Variants in AGBL1 observed in about 807,000 individuals in gnomAD.
AGBL1 encodes the protein cytosolic carboxypeptidase 4.
AGBL1 carries 130 observed loss-of-function variants against 118.9 expected under a neutral mutation model. That is an observed-to-expected ratio of 1.09 (90% CI 0.95 to 1.26). AGBL1 has a LOEUF of 1.26. AGBL1 is among the 50% of genes most tolerant of loss of function. The pLI is 0.00. For missense variants in AGBL1, 1,584 were observed against 1,298.1 expected (o/e 1.22, Z -3.38); for synonymous variants, 555 against 478.9 (o/e 1.16, Z -2.08).
At chr15:86,812,215 A>T (rs2078799930) in intron 22 of AGBL1, among the ~76,000 whole-genome samples, 2 of 152,280 alleles carry the variant, frequency 1.3e-5, no homozygotes, top group African/African-American at 4.8e-5. Context: ...ATTAAGCCTG[A>T]ATACCTTCTT....
intron 21 of AGBL1, among the ~76,000 whole-genome samples, chr15:86,572,406 C>G (rs74598131): frequency 6.6e-6 from 1 of 152,278 alleles, no homozygotes; most frequent in East Asian, 1.9e-4. Flanking sequence ...GCTGGGTCCC[C>G]CTCTGAGAGT....
At chr15:86,508,056 G>T (rs1245687282) in intron 18 of AGBL1, among the ~76,000 whole-genome samples, 1 of 147,812 alleles carries the variant, frequency 6.8e-6, no homozygotes, top group Non-Finnish European at 1.5e-5. Context: ...CTAGGCCAGA[G>T]TGCAGTGGCA....
At chr15:87,015,319 C>T (rs1396065824) in intron 24 of AGBL1, among the ~76,000 whole-genome samples, 1 of 152,080 alleles carries the variant, frequency 6.6e-6, no homozygotes, top group African/African-American at 2.4e-5. Flanking sequence ...ATCATGGAAG[C>T]CAATTCCCCT....
intron 11 of AGBL1, among the ~76,000 whole-genome samples, chr15:86,265,714 T>C (rs777487206): frequency 6.6e-5 from 10 of 152,214 alleles, no homozygotes; most frequent in Non-Finnish European, 1.3e-4. Context: ...TCTAGCACCA[T>C]GTTATCCCTG....
chr15:86,616,540 T>C (rs960230793), intron 21 of AGBL1, among the ~76,000 whole-genome samples: 13 of 152,096 alleles, frequency 8.5e-5, no homozygotes, highest in African/African-American at 2.7e-4. Context: ...TGGGTAAATA[T>C]AGAACTAGAC....
rs141562003 is a variant in AGBL1 at position 86,577,754 on chromosome 15, G to A, written c.2994+23217G>A. 4.1e-3 allele frequency among the ~76,000 whole-genome samples: 617 copies of A among 152,314 alleles called. 9 individuals are homozygous for A. The highest frequency in any genetic ancestry group is 0.014 in the African/African-American group (584 of 41,566). On this transcript the variant is annotated intron_variant, in intron 21 of 22. Coordinates refer to ENST00000614907, the MANE Select transcript of AGBL1 (RefSeq NM_001386094.1). ...TGAAAGGGGCCAACATAGAGCTCGG[G>A]CCATGGCTTCAGAGGGTGCAAGCCC...
intron 1 of AGBL1, among the ~76,000 whole-genome samples, chr15:86,128,088 A>G (rs764850895): frequency 2.0e-5 from 3 of 152,168 alleles, no homozygotes; most frequent in Non-Finnish European, 2.9e-5. Context: ...CTATTTACCA[A>G]TTAGTCTCAT....
At chr15:86,542,829 A>C (rs567332305) in intron 19 of AGBL1, among the ~76,000 whole-genome samples, 34 of 152,228 alleles carry the variant, frequency 2.2e-4, no homozygotes, top group Non-Finnish European at 3.8e-4. Flanking sequence ...CTGATAATTA[A>C]TATAGCTACT....
chr15:86,729,268 G>A (rs1040591976), intron 22 of AGBL1, among the ~76,000 whole-genome samples: 8 of 152,080 alleles, frequency 5.3e-5, no homozygotes, highest in African/African-American at 1.7e-4. Context: ...TGAAATCTTC[G>A]CTTTTTCTTT....
chr15:86,899,958 A>G (rs891747705), intron 22 of AGBL1, among the ~76,000 whole-genome samples: 3 of 152,170 alleles, frequency 2.0e-5, no homozygotes, highest in Non-Finnish European at 2.9e-5. Context: ...CTGAACAGCT[A>G]GAATAAAGCA....
intron 23 of AGBL1, among the ~76,000 whole-genome samples, chr15:86,939,491 T>G (rs979611113): frequency 1.3e-5 from 2 of 152,208 alleles, no homozygotes; most frequent in Non-Finnish European, 2.9e-5. Flanking sequence ...ATTTTGGGAC[T>G]CAGACTGGCT....
intron 1 of AGBL1, among the ~76,000 whole-genome samples, chr15:86,111,027 T>C (rs1006925833): frequency 6.6e-6 from 1 of 152,052 alleles, no homozygotes; most frequent in Non-Finnish European, 1.5e-5. Flanking sequence ...GCATGAGGAG[T>C]GAACTGAGCT....
At chr15:86,705,813 A>G (rs1034344638) in intron 22 of AGBL1, among the ~76,000 whole-genome samples, 4 of 152,126 alleles carry the variant, frequency 2.6e-5, no homozygotes, top group African/African-American at 9.7e-5. Flanking sequence ...GTGCTTTGAA[A>G]ACCAATGTTA....
At chr15:86,774,735 A>G (rs2078228660) in intron 22 of AGBL1, among the ~76,000 whole-genome samples, 1 of 152,066 alleles carries the variant, frequency 6.6e-6, no homozygotes. Context: ...GTGTTCTGAG[A>G]AGTGCTACAA....
intron 17 of AGBL1, among the ~76,000 whole-genome samples, chr15:86,392,740 A>G (rs1419761690): frequency 6.6e-6 from 1 of 152,172 alleles, no homozygotes; most frequent in African/African-American, 2.4e-5. Flanking sequence ...TGTCATTACC[A>G]CTATAAATTC....
chr15:86,820,030 A>G (rs1037830651), intron 22 of AGBL1, among the ~76,000 whole-genome samples: 2 of 152,206 alleles, frequency 1.3e-5, no homozygotes, highest in Non-Finnish European at 2.9e-5. Context: ...TGACAAAAAC[A>G]AGCAATGGGG....
chr15:86,316,271 G>T (rs2080007784), intron 17 of AGBL1, among the ~76,000 whole-genome samples: 1 of 152,158 alleles, frequency 6.6e-6, no homozygotes, highest in Admixed American at 6.5e-5. Context: ...AACTCATCTT[G>T]GAGTGAAAGG....
At chr15:86,864,486 G>A (rs2079599216) in intron 22 of AGBL1, among the ~76,000 whole-genome samples, 1 of 152,118 alleles carries the variant, frequency 6.6e-6, no homozygotes, top group African/African-American at 2.4e-5. Flanking sequence ...TAAGAAAATG[G>A]ATATGCAGAG....
chr15:86,209,270 T>A (rs1323112815), intron 5 of AGBL1, among the ~76,000 whole-genome samples: 1 of 152,192 alleles, frequency 6.6e-6, no homozygotes, highest in Non-Finnish European at 1.5e-5. Flanking sequence ...TGTGATGTGG[T>A]GCTGAGAAAA....
Sources: gnomAD v4.1 joint callset for allele counts (sites outside exome capture counted in the v4.1 genomes callset) on GRCh38, gnomAD v4.1.1 for gene constraint, MANE v1.5 for transcripts, NCBI Gene and HGNC (gene_info 2026-07-23, HGNC 2026-07-21) for gene names.